DNHD1: variants seen among roughly 807,000 people sequenced by gnomAD.
The protein encoded by DNHD1 is dynein heavy chain domain 1.
Under a neutral mutation model 458.1 loss-of-function variants are expected in DNHD1, and 383 were observed. That is an observed-to-expected ratio of 0.84 (90% CI 0.77 to 0.91). DNHD1 has a LOEUF of 0.91. Among genes scored for constraint, DNHD1 ranks in the 40% least tolerant of loss-of-function variants. The pLI, the probability that DNHD1 is intolerant of heterozygous loss-of-function variation, is 0.00. For synonymous variants in DNHD1, 2,203 were observed against 2,376.9 expected, an observed-to-expected ratio of 0.93 and a Z score of 2.13; for missense variants, 5,336 against 5,866.1, an observed-to-expected ratio of 0.91 and a Z score of 2.95.
chr11:6,544,771 T>C (rs1415851895), intron 20 of DNHD1, 21 bp from the exon 21 acceptor site: 3 of 1,547,900 alleles, frequency 1.9e-6, no homozygotes, highest in South Asian at 2.4e-5. Context: ...GCCCTCACTT[T>C]TATCCTCTCC....
chr11:6,530,101 T>A (rs184022782), intron 12 of DNHD1, among the ~76,000 whole-genome samples: 1 of 152,214 alleles, frequency 6.6e-6, no homozygotes, highest in Non-Finnish European at 1.5e-5. Context: ...CTCTTTTTAC[T>A]ACAACACATA....
At chr11:6,536,511 T>C (rs772994058) in intron 14 of DNHD1, among the ~76,000 whole-genome samples, 1 of 152,180 alleles carries the variant, frequency 6.6e-6, no homozygotes, top group Admixed American at 6.5e-5. Flanking sequence ...CACATGCCCA[T>C]GCACAGAGCA....
In DNHD1 at chr11:6,520,520, G is replaced by A. The variant is rs1051580807; in HGVS notation, c.1837+231G>A. 2.9e-6 allele frequency: 4 copies of A among 1,382,758 alleles called. No individual in the cohort carries two copies. The African/African-American group carries it at 4.3e-5, about 15-fold the overall frequency. The allele number at this position is 1,382,758 out of a possible 1,614,324, so 85.7% of individuals were successfully genotyped here. ...GTGTATGTGCGTGCAATGAGAGGGT[G>A]TATGAAAGAGTGTGAGTACATTGTC... is the stretch of plus-strand genomic sequence containing the variant. On this transcript the variant is annotated intron_variant, in intron 10 of 42. Coordinates refer to ENST00000254579, the MANE Select transcript of DNHD1 (RefSeq NM_144666.3).
Position 6,499,965 on chromosome 11 carries a change from A to ATT in DNHD1, c.746+1018_746+1019dup, listed in dbSNP as rs11361429. Among the ~76,000 whole-genome samples, 134 of 142,654 alleles carry ATT rather than the reference A, an allele frequency of 9.4e-4. 1 individual carries two copies. The highest frequency in any genetic ancestry group is 3.6e-3 in the Middle Eastern group (1 of 278). The allele number at this position is 142,654 out of a possible 152,430, so 93.6% of individuals were successfully genotyped here. On this transcript the variant is annotated intron_variant, in intron 3 of 42. Transcript: ENST00000254579. ...TCTTCTCAGCGTTCTCTAACTTTCG[A>ATT]TTTTTTTTTTTTTTTCTGAAACAGA... is the stretch of plus-strand genomic sequence containing the variant.
chr11:6,556,534 G>A, intron 24 of DNHD1, 149 bp from the exon 25 acceptor site: 1 of 688,566 alleles, frequency 1.5e-6, no homozygotes, highest in Non-Finnish European at 2.4e-6. Flanking sequence ...GTGGGGGAGG[G>A]AGAATAGCTT....
At chr11:6,519,889 G>T in intron 8 of DNHD1, 35 bp downstream of exon 8, 1 of 1,612,714 alleles carries the variant, frequency 6.2e-7, no homozygotes, top group Non-Finnish European at 8.5e-7. Context: ...GAGGTGGCAG[G>T]CAGTCCAGGG....
At chr11:6,511,596 G>T (rs1852336551) in intron 7 of DNHD1, among the ~76,000 whole-genome samples, 167 bp downstream of exon 7, 1 of 152,210 alleles carries the variant, frequency 6.6e-6, no homozygotes, top group Non-Finnish European at 1.5e-5. Flanking sequence ...CTCTAGGATG[G>T]ATGAATCAAT....
In DNHD1 at chr11:6,568,243, G is replaced by T; in HGVS notation, c.12538+1G>T. The stretch of plus-strand genomic sequence containing the variant: ...CTGGAACTGTTAGGCAGAGCCAAGG[G>T]TGAGTTTATTGCCTAGATTGGCTTC... On this transcript the variant is annotated splice_donor_variant, in intron 37 of 42. Coordinates refer to ENST00000254579, the MANE Select transcript of DNHD1 (RefSeq NM_144666.3). LOFTEE classifies it high-confidence loss of function. 1 of 1,547,744 alleles carries T rather than the reference G, an allele frequency of 6.5e-7. No homozygotes were observed. The highest frequency in any genetic ancestry group is 1.7e-4 in the Middle Eastern group (1 of 5,968).
Position 6,557,571 on chromosome 11 carries a change from G to C in DNHD1, c.8276G>C (p.Gly2759Ala). The stretch of plus-strand genomic sequence containing the variant: ...CCATCCATAGGACCAGTAAGCAGGG[G>C]GATGAAGGAAAGCATAAGTCACAAG... ...LTPSIGPVSRGMKESISHKIR... is the reference protein window; with the variant it reads ...LTPSIGPVSRAMKESISHKIR... Residue 2759 changes from glycine to alanine, a missense_variant, in exon 25 of 43, where the codon GGG becomes GCG. Transcript: ENST00000254579. 6.4e-7 allele frequency: 1 copy of C among 1,551,776 alleles called. No individual in the cohort carries two copies. Among genetic ancestry groups the C allele is most frequent in the Non-Finnish European group, 8.7e-7 (1 of 1,146,998 alleles).
rs1047360898 is a variant in DNHD1, at chr11:6,544,684, G to T, written c.3852+13G>T. 4 of 1,550,162 alleles carry T rather than the reference G, an allele frequency of 2.6e-6. No individual in the cohort carries two copies. In the African/African-American group the frequency reaches 5.5e-5, roughly 21 times the overall value. On this transcript the variant is annotated intron_variant, in intron 20 of 42. Transcript: ENST00000254579. The stretch of plus-strand genomic sequence containing the variant: ...TAATGCTGACCTGGTAGGGAAGGGG[G>T]TTGAGGCAGAGAGGGCAAGAAGGGT...
Position 6,533,945 on chromosome 11 carries a change from G to A in DNHD1, c.2770G>A (p.Glu924Lys). The part of the protein sequence containing the change: ...AFQFEKSQAS[E>K]FLLSKRHAIM... ...TCAGTTTGAGAAAAGCCAGGCTTCAGAGTTCCTGCTCAGCAAGCGACATGC... is the reference window on the plus strand; with the variant it reads ...TCAGTTTGAGAAAAGCCAGGCTTCAAAGTTCCTGCTCAGCAAGCGACATGC... Residue 924 changes from glutamate (E) to lysine (K), a missense_variant, in exon 14 of 43, where the codon GAG becomes AAG. This residue lies in a region of DNHD1 where 3,932 missense variants were observed against 4,365.6 expected (regional missense o/e 0.90). Coordinates refer to ENST00000254579, the MANE Select transcript of DNHD1 (RefSeq NM_144666.3). 1 of 1,551,328 alleles carries A rather than the reference G, an allele frequency of 6.4e-7. No individual in the cohort carries two copies. Among genetic ancestry groups the A allele is most frequent in the Non-Finnish European group, 8.7e-7 (1 of 1,146,932 alleles).
intron 7 of DNHD1, 32 bp from the exon 8 acceptor site, chr11:6,519,568 C>G (rs774367784): frequency 1.9e-6 from 3 of 1,611,654 alleles, no homozygotes; most frequent in Non-Finnish European, 2.5e-6. Flanking sequence ...CTCCATCCCC[C>G]TATCTGGTGA....
chr11:6,555,964 ATAAAATTTATTTT>A (rs1389116634), intron 24 of DNHD1, among the ~76,000 whole-genome samples: 2 of 152,086 alleles, frequency 1.3e-5, no homozygotes, highest in Admixed American at 6.5e-5. Flanking sequence ...TCATGTCTTA[ATAAAATTTATTTT>A]TAAAATTTAT....
chr11:6,534,623 C>T (rs10734609), intron 14 of DNHD1, among the ~76,000 whole-genome samples: 105,516 of 152,064 alleles, frequency 0.69, 38,688 homozygotes, highest in East Asian at 0.82. Flanking sequence ...CTACTGAGGG[C>T]CTCACTAATA....
intron 24 of DNHD1, among the ~76,000 whole-genome samples, chr11:6,555,768 G>A (rs1318165000): frequency 3.9e-5 from 6 of 152,128 alleles, no homozygotes; most frequent in East Asian, 3.8e-4. Flanking sequence ...ATGGAAATCC[G>A]ATCAAATAAC....
rs1165417319 is a variant in DNHD1 at position 6,556,832 on chromosome 11, C to T, written c.7537C>T (p.Pro2513Ser). The part of the protein sequence containing the change: ...TVTVPGYCER[P>S]LCPRLFRLFT... ...CACAGTGCCAGGATACTGTGAGCGC[C>T]CACTGTGTCCACGCCTCTTTCGACT... The change falls in exon 25 of 43, where the codon CCA (proline) becomes TCA (serine). Residue 2513 changes from proline to serine, a missense_variant. Pro to Ser is a moderately conservative substitution (Grantham distance 74, BLOSUM62 -1). Around this residue, in one of 4 missense-constraint regions of DNHD1, gnomAD observed 3,932 missense variants for 4,365.6 expected, o/e 0.90. Coordinates refer to ENST00000254579, the MANE Select transcript of DNHD1 (RefSeq NM_144666.3). 1.0e-5 allele frequency: 16 copies of T among 1,551,540 alleles called. No individual in the cohort carries two copies. Among genetic ancestry groups the T allele is most frequent in the Middle Eastern group, 3.3e-4 (2 of 6,014 alleles).
chr11:6,567,074 G>A lies in DNHD1; in HGVS notation c.11565G>A (p.Trp3855Ter), dbSNP rs1853720743. ...VLWAPYRPVV[W>*]HGMAMVKALS... ...GGGCACCCTATCGACCTGTGGTTTG[G>A]CATGGAATGGCCATGGTAAAGGCCC... The change falls in exon 36 of 43, where the codon TGG (tryptophan) becomes TGA (stop). Residue 3855 changes from tryptophan to a stop codon, truncating the protein, a stop_gained. Transcript: ENST00000254579. LOFTEE classifies it high-confidence loss of function. 1.2e-6 allele frequency: 2 copies of A among 1,614,042 alleles called. No individual in the cohort carries two copies. The highest frequency in any genetic ancestry group is 1.7e-6 in the Non-Finnish European group (2 of 1,179,888).
intron 3 of DNHD1, among the ~76,000 whole-genome samples, chr11:6,500,256 G>A (rs559115769): frequency 2.6e-5 from 4 of 152,308 alleles, no homozygotes; most frequent in South Asian, 4.1e-4. Flanking sequence ...ATAAGCCACC[G>A]TGCCCAAGAG....
rs1282302746 is a variant in DNHD1, at chr11:6,559,008, A to G, written c.9318A>G (p.Ala3106=). The part of the protein sequence containing the change: ...ATHYHEHLCP[A]LPLVTPKTFL... ...ACTACCATGAGCACCTGTGCCCTGC[A>G]TTGCCACTCGTCACCCCCAAGACCT... The change falls in exon 27 of 43, where the codon GCA becomes GCG. Residue 3106 remains alanine, a synonymous_variant. Transcript: ENST00000254579. The G allele has an allele frequency of 1.9e-6, 3 of 1,551,636 alleles. No individual in the cohort carries two copies. Among genetic ancestry groups the G allele is most frequent in the South Asian group, 2.4e-5 (2 of 84,050 alleles).
Sources: allele counts gnomAD v4.1 joint callset (sites outside exome capture counted in the v4.1 genomes callset), GRCh38; gene constraint gnomAD v4.1.1; regional missense constraint gnomAD v4.1.1; transcripts MANE v1.5; gene names NCBI Gene and HGNC (gene_info 2026-07-23, HGNC 2026-07-21).